The following ITGA6 variants were observed in gnomAD, a reference collection of about 807,000 sequenced individuals.
ITGA6 encodes integrin alpha-6.
Under a neutral mutation model 133.6 loss-of-function variants are expected in ITGA6, and 63 were observed. That is an observed-to-expected ratio of 0.47 (90% CI 0.38 to 0.58). The LOEUF (loss-of-function observed/expected upper bound fraction) is 0.58, where lower values mean the gene tolerates loss of function less well. Among genes scored for constraint, ITGA6 ranks in the 20% least tolerant of loss-of-function variants. The pLI is 0.00. For missense variants in ITGA6, 1,068 were observed against 1,309.4 expected, an observed-to-expected ratio of 0.82 and a Z score of 2.85; for synonymous variants, 434 against 482.0, an observed-to-expected ratio of 0.90 and a Z score of 1.30.
intron 6 of ITGA6, 72 bp downstream of exon 6, chr2:172,474,337 G>T: frequency 7.5e-7 from 1 of 1,341,266 alleles, no homozygotes; most frequent in African/African-American, 1.4e-5. Context: ...GACTGGAGAA[G>T]AGCCGTCCTT....
intron 1 of ITGA6, among the ~76,000 whole-genome samples, chr2:172,430,898 GTGA>G (rs1213972931): frequency 3.3e-5 from 5 of 152,192 alleles, no homozygotes; most frequent in Admixed American, 1.3e-4. Flanking sequence ...TGGAAGGTAT[GTGA>G]TGATGACTGT....
chr2:172,447,779 G>C (rs1684825706), intron 1 of ITGA6, among the ~76,000 whole-genome samples: 1 of 152,182 alleles, frequency 6.6e-6, no homozygotes, highest in African/African-American at 2.4e-5. Flanking sequence ...CCATTTTCCT[G>C]ATCTGACCGC....
In ITGA6 at chr2:172,445,651, TTAAAA is replaced by T. The variant is rs1164628318; in HGVS notation, c.182+17682_182+17686del. On this transcript the variant is annotated intron_variant, in intron 1 of 25. Coordinates refer to ENST00000684293, the MANE Select transcript of ITGA6 (RefSeq NM_000210.4). ...GCGACAGAGTGAGACTCCGTCTTTT[TTAAAA>T]AAAAAAAAAAGAAAAAAAAAAGCCT... 4.1e-5 allele frequency among the ~76,000 whole-genome samples: 6 copies of T among 145,628 alleles called. No homozygotes were observed. In the Admixed American group the frequency reaches 4.1e-4, roughly 10 times the overall value.
At chr2:172,499,454 T>A (rs539711032) in intron 24 of ITGA6, among the ~76,000 whole-genome samples, 1 of 152,286 alleles carries the variant, frequency 6.6e-6, no homozygotes, top group Admixed American at 6.5e-5. Context: ...AGCCTTGACC[T>A]CCTGGGCTCA....
At chr2:172,461,817 C>T (rs557304067) in intron 1 of ITGA6, among the ~76,000 whole-genome samples, 68 of 152,134 alleles carry the variant, frequency 4.5e-4, no homozygotes, top group Non-Finnish European at 7.8e-4. Flanking sequence ...TGGACCTGTA[C>T]CCACTCTGCT....
chr2:172,496,211 C>T (rs1344365443), intron 23 of ITGA6, among the ~76,000 whole-genome samples: 1 of 152,164 alleles, frequency 6.6e-6, no homozygotes, highest in Non-Finnish European at 1.5e-5. Flanking sequence ...CTGTGCTGAA[C>T]GCAGTAATCT....
chr2:172,437,558 A>G (rs1684371825), intron 1 of ITGA6, among the ~76,000 whole-genome samples: 1 of 152,084 alleles, frequency 6.6e-6, no homozygotes, highest in South Asian at 2.1e-4. Flanking sequence ...GCAGGGCAGG[A>G]GTATGGTTTT....
At chr2:172,502,032 T>C in intron 25 of ITGA6, 131 bp downstream of exon 25, 2 of 790,190 alleles carry the variant, frequency 2.5e-6, no homozygotes, top group Non-Finnish European at 3.9e-6. Context: ...TGGCTTGCCT[T>C]GCTTGGATTT....
At chr2:172,442,472 T>C (rs1308406020) in intron 1 of ITGA6, among the ~76,000 whole-genome samples, 1 of 152,192 alleles carries the variant, frequency 6.6e-6, no homozygotes, top group African/African-American at 2.4e-5. Context: ...TGTATTTTCA[T>C]AGCTGAAAGG....
chr2:172,474,661 G>A (rs183238652), intron 6 of ITGA6, among the ~76,000 whole-genome samples: 1 of 152,242 alleles, frequency 6.6e-6, no homozygotes, highest in East Asian at 1.9e-4. Flanking sequence ...GGTGCCAGTT[G>A]GGGGGGTTAG....
At chr2:172,450,297 G>T (rs1207730383) in intron 1 of ITGA6, among the ~76,000 whole-genome samples, 1 of 152,222 alleles carries the variant, frequency 6.6e-6, no homozygotes, top group Non-Finnish European at 1.5e-5. Context: ...AACAGATGTG[G>T]AGGACGGGCT....
intron 1 of ITGA6, among the ~76,000 whole-genome samples, chr2:172,449,646 G>A (rs561194508): frequency 5.9e-5 from 9 of 152,256 alleles, no homozygotes; most frequent in African/African-American, 1.7e-4. Context: ...AAGGGCCTCT[G>A]TGAGAAAGGG....
In ITGA6 at chr2:172,491,630, C is replaced by G; in HGVS notation, c.2988+107C>G. 1.3e-6 allele frequency: 1 copy of G among 757,232 alleles called. No homozygotes were observed. The highest frequency in any genetic ancestry group is 2.3e-6 in the Non-Finnish European group (1 of 430,140). The allele number at this position is 757,232 out of a possible 1,614,324, so 46.9% of individuals were successfully genotyped here. A position where few individuals can be genotyped will look rare whatever the true frequency, so the allele number is the denominator to read the frequency against. On this transcript the variant is annotated intron_variant, in intron 23 of 25. Coordinates refer to ENST00000684293, the MANE Select transcript of ITGA6 (RefSeq NM_000210.4). The surrounding 1 kb of genome is among the most constrained non-coding windows in gnomAD (Gnocchi z 4.4). ...CTTTGGTGCTCATTTCCCTCATAGC[C>G]CCATTACGGAGAAAACTGTCTTAAG... is the stretch of plus-strand genomic sequence containing the variant.
chr2:172,491,948 A>C lies in ITGA6; in HGVS notation c.2988+425A>C, dbSNP rs1313841481. Among the ~76,000 whole-genome samples the C allele has an allele frequency of 2.0e-5, 3 of 152,198 alleles. No homozygotes were observed. ...TTGTAAGTCCCTGGTTATGCCCCTC[A>C]AACAAGTCTAAAATAAGTTCTCTCT... On this transcript the variant is annotated intron_variant, in intron 23 of 25. Coordinates refer to ENST00000684293, the MANE Select transcript of ITGA6 (RefSeq NM_000210.4). The surrounding 1 kb of genome is among the most constrained non-coding windows in gnomAD (Gnocchi z 4.4).
At chr2:172,462,198 C>T (rs933634506) in intron 1 of ITGA6, among the ~76,000 whole-genome samples, 17 of 152,114 alleles carry the variant, frequency 1.1e-4, no homozygotes, top group African/African-American at 3.1e-4. Context: ...CCCAGGAGAC[C>T]GGGCGCAACT....
At chr2:172,500,665 G>T (rs958310901) in intron 24 of ITGA6, among the ~76,000 whole-genome samples, 13 of 152,136 alleles carry the variant, frequency 8.5e-5, no homozygotes, top group African/African-American at 3.1e-4. Flanking sequence ...TTGGAGGCAG[G>T]ACCAGGCCTC....
chr2:172,439,774 T>C (rs931085220), intron 1 of ITGA6, among the ~76,000 whole-genome samples: 3 of 152,190 alleles, frequency 2.0e-5, no homozygotes, highest in African/African-American at 7.2e-5. Context: ...AAGTGACAGC[T>C]AGTCAGTGGT....
chr2:172,477,620 G>A (rs1574383479), intron 9 of ITGA6, among the ~76,000 whole-genome samples: 1 of 152,180 alleles, frequency 6.6e-6, no homozygotes, highest in Non-Finnish European at 1.5e-5. Flanking sequence ...ATGTGTAACT[G>A]ATATTTTAAT....
At chr2:172,482,548 G>T (rs565871715) in intron 11 of ITGA6, among the ~76,000 whole-genome samples, 10 of 152,242 alleles carry the variant, frequency 6.6e-5, no homozygotes, top group African/African-American at 2.4e-4. Flanking sequence ...ACTGTCTGGA[G>T]GGTTAGGGAA....
Sources: allele counts gnomAD v4.1 joint callset (sites outside exome capture counted in the v4.1 genomes callset), GRCh38; gene constraint gnomAD v4.1.1; non-coding constraint Gnocchi (gnomAD v3.1); transcripts MANE v1.5; gene names NCBI Gene and HGNC (gene_info 2026-07-23, HGNC 2026-07-21).